Variants in UBAP1 observed in about 807,000 individuals in gnomAD.
UBAP1 encodes the protein ubiquitin associated protein 1.
UBAP1 carries 5 observed loss-of-function variants against 39.0 expected under a neutral mutation model. That is an observed-to-expected ratio of 0.13 (90% confidence interval 0.07 to 0.27). The LOEUF (loss-of-function observed/expected upper bound fraction) is 0.27. Among genes scored for constraint, UBAP1 ranks in the 10% least tolerant of loss-of-function variants. The probability of loss-of-function intolerance (pLI) is 1.00; values close to 1 mark genes in which losing one functional copy is unlikely to be tolerated. For synonymous variants in UBAP1, 211 were observed against 225.1 expected (o/e 0.94, Z 0.56); for missense variants, 490 against 608.1 (o/e 0.81, Z 2.04).
Position 34,181,116 on chromosome 9 carries a change from C to CTTTTCTT in UBAP1, c.-8+1880_-8+1881insCTTTTTT, listed in dbSNP as rs1554644657. ...TGAGCCACCGCACCCGGCCTGTTTT[C>CTTTTCTT]TTTTTTTTTTTTTTTTTGAGACAGA... is the stretch of plus-strand genomic sequence containing the variant. On this transcript the variant is annotated intron_variant, in intron 1 of 6. Transcript: ENST00000297661. Among the ~76,000 whole-genome samples the CTTTTCTT allele has an allele frequency of 8.3e-5, 6 of 72,238 alleles. No individual in the cohort carries two copies. The Admixed American group carries it at 9.7e-4, about 12-fold the overall frequency. 47.4% of individuals were successfully genotyped at this position (72,238 alleles called of 152,430 possible).
chr9:34,192,519 A>G (rs1310710446), intron 1 of UBAP1, among the ~76,000 whole-genome samples: 2 of 105,482 alleles, frequency 1.9e-5, no homozygotes, highest in African/African-American at 5.7e-5. Context: ...CCATCTCAAA[A>G]AAAAAAAAAA....
At position 34,179,077 on chromosome 9, in the gene UBAP1, T is replaced by C. The variant is rs2131471427; in HGVS notation, c.-171T>C. On this transcript the variant is annotated 5_prime_UTR_variant, in exon 1 of 7. Coordinates refer to ENST00000297661, the MANE Select transcript of UBAP1 (RefSeq NM_016525.5). ...GACTTCAACATGGCGGCTGCGGCAC[T>C]GGCGGTGGCTACGGTGACGGCCTGG... is the stretch of plus-strand genomic sequence containing the variant. 1.6e-6 allele frequency: 2 copies of C among 1,279,044 alleles called. No individual in the cohort carries two copies. Among genetic ancestry groups the C allele is most frequent in the African/African-American group, 1.5e-5 (1 of 65,312 alleles). 79.2% of individuals were successfully genotyped at this position (1,279,044 alleles called of 1,614,324 possible).
chr9:34,215,790 T>C (rs1252331864), intron 1 of UBAP1, among the ~76,000 whole-genome samples: 1 of 151,920 alleles, frequency 6.6e-6, no homozygotes, highest in Non-Finnish European at 1.5e-5. Flanking sequence ...TACATATATA[T>C]AAAAGATGTT....
At chr9:34,182,616 C>CTT (rs1457068438) in intron 1 of UBAP1, among the ~76,000 whole-genome samples, 13 of 110,600 alleles carry the variant, frequency 1.2e-4, no homozygotes, top group Non-Finnish European at 2.2e-4. Context: ...TCTTTCTTTC[C>CTT]TTCTTTCTTT....
At chr9:34,202,623 A>ACG (rs1831441722) in intron 1 of UBAP1, among the ~76,000 whole-genome samples, 2 of 54,510 alleles carry the variant, frequency 3.7e-5, no homozygotes, top group Non-Finnish European at 7.0e-5. Flanking sequence ...GTAGACAGAA[A>ACG]CGTGTGTGTG....
intron 1 of UBAP1, among the ~76,000 whole-genome samples, chr9:34,179,642 G>C (rs1208861431): frequency 6.6e-6 from 1 of 152,092 alleles, no homozygotes; most frequent in Non-Finnish European, 1.5e-5. Context: ...GGGACGTGCG[G>C]TGTAGATTTA....
intron 1 of UBAP1, among the ~76,000 whole-genome samples, chr9:34,217,780 G>GTTTT (rs1402104440): frequency 3.1e-4 from 9 of 29,412 alleles, no homozygotes; most frequent in African/African-American, 4.5e-4. Flanking sequence ...ACAGGATTTC[G>GTTTT]TTCTTTTTTT....
At chr9:34,190,802 C>CT (rs373942127) in intron 1 of UBAP1, among the ~76,000 whole-genome samples, 34,991 of 116,534 alleles carry the variant, frequency 0.3, 6,385 homozygotes, top group Non-Finnish European at 0.4. Flanking sequence ...ATGCCTGGCT[C>CT]TTTTTTTTTT....
At chr9:34,230,265 C>A (rs991042192) in intron 2 of UBAP1, among the ~76,000 whole-genome samples, 5 of 151,956 alleles carry the variant, frequency 3.3e-5, no homozygotes, top group African/African-American at 1.2e-4. Context: ...GGGGTTTCAC[C>A]ATGCTGGCCA....
intron 3 of UBAP1, among the ~76,000 whole-genome samples, chr9:34,238,199 T>G (rs1252661124): frequency 2.6e-5 from 4 of 152,218 alleles, no homozygotes; most frequent in Non-Finnish European, 5.9e-5. Flanking sequence ...AGTACTTCAT[T>G]TATTTTTGTA....
intron 2 of UBAP1, among the ~76,000 whole-genome samples, chr9:34,227,639 C>T (rs189666098): frequency 6.6e-6 from 1 of 152,324 alleles, no homozygotes; most frequent in East Asian, 1.9e-4. Context: ...ATTCAGCCCA[C>T]TCACTATCTT....
At chr9:34,213,424 T>A (rs530343463) in intron 1 of UBAP1, among the ~76,000 whole-genome samples, 1 of 152,098 alleles carries the variant, frequency 6.6e-6, no homozygotes, top group African/African-American at 2.4e-5. Flanking sequence ...GACAGGAGAA[T>A]CGCTTGAACC....
chr9:34,209,732 G>A (rs892401708), intron 1 of UBAP1, among the ~76,000 whole-genome samples: 3 of 150,890 alleles, frequency 2.0e-5, no homozygotes, highest in South Asian at 4.2e-4. Flanking sequence ...TTTTTCCAGC[G>A]CTCTGTTGAA....
At chr9:34,206,405 G>A (rs548807142) in intron 1 of UBAP1, among the ~76,000 whole-genome samples, 1 of 152,242 alleles carries the variant, frequency 6.6e-6, no homozygotes, top group South Asian at 2.1e-4. Flanking sequence ...AGCTACTCAG[G>A]AGGCTGAGGT....
chr9:34,237,224 A>C (rs1324946629), intron 3 of UBAP1, among the ~76,000 whole-genome samples: 1 of 126,938 alleles, frequency 7.9e-6, no homozygotes, highest in Non-Finnish European at 1.7e-5. Context: ...GAGGTGGTCT[A>C]CTGGGCACTG....
At chr9:34,208,202 G>A (rs1831817711) in intron 1 of UBAP1, among the ~76,000 whole-genome samples, 1 of 151,718 alleles carries the variant, frequency 6.6e-6, no homozygotes, top group African/African-American at 2.4e-5. Flanking sequence ...AAAATGTACT[G>A]GTAATTTTGG....
intron 1 of UBAP1, among the ~76,000 whole-genome samples, chr9:34,217,281 A>G (rs954864683): frequency 3.3e-5 from 5 of 152,018 alleles, no homozygotes; most frequent in Admixed American, 6.6e-5. Context: ...CTGTTGCCCA[A>G]GCTGGAGTGC....
intron 4 of UBAP1, among the ~76,000 whole-genome samples, chr9:34,243,669 T>C (rs1834073592): frequency 6.6e-6 from 1 of 152,108 alleles, no homozygotes. Context: ...TTTGTATTTT[T>C]AGCAGAGATA....
chr9:34,246,715 A>C (rs1322501682), intron 4 of UBAP1, among the ~76,000 whole-genome samples: 1 of 152,200 alleles, frequency 6.6e-6, no homozygotes, highest in African/African-American at 2.4e-5. Context: ...GACTTGGTAG[A>C]AGCTGTCTTG....
Sources: gnomAD v4.1 joint callset for allele counts (sites outside exome capture counted in the v4.1 genomes callset) on GRCh38, gnomAD v4.1.1 for gene constraint, MANE v1.5 for transcripts, NCBI Gene and HGNC (gene_info 2026-07-23, HGNC 2026-07-21) for gene names.